CDH4: variants seen among roughly 807,000 people sequenced by gnomAD.
The protein encoded by CDH4 is cadherin-4.
Under a neutral mutation model 86.0 loss-of-function variants are expected in CDH4, and 33 were observed. The observed-to-expected ratio is 0.38, with a 90% CI of 0.29 to 0.51. The LOEUF (loss-of-function observed/expected upper bound fraction) is 0.51, where lower values mean the gene tolerates loss of function less well. CDH4 is among the 20% of genes least tolerant of loss of function. The pLI, the probability that CDH4 is intolerant of heterozygous loss-of-function variation, is 0.86. For synonymous variants in CDH4, 555 were observed against 549.4 expected, an observed-to-expected ratio of 1.01 and a Z score of -0.14; for missense variants, 1,114 against 1,307.4, an observed-to-expected ratio of 0.85 and a Z score of 2.28.
At chr20:61,460,881 T>C (rs975632164) in intron 2 of CDH4, among the ~76,000 whole-genome samples, 10 of 152,170 alleles carry the variant, frequency 6.6e-5, no homozygotes, top group African/African-American at 2.4e-4. Flanking sequence ...GTGAATGATA[T>C]TACTGTTATT....
chr20:61,609,586 A>T (rs2086669614), intron 2 of CDH4, among the ~76,000 whole-genome samples: 1 of 152,334 alleles, frequency 6.6e-6, no homozygotes, highest in Non-Finnish European at 1.5e-5. Context: ...AGCACACGAC[A>T]CGCAGCAAGT....
At chr20:61,258,041 G>A (rs572428905) in intron 2 of CDH4, among the ~76,000 whole-genome samples, 9 of 152,316 alleles carry the variant, frequency 5.9e-5, no homozygotes, top group Non-Finnish European at 2.9e-5. Flanking sequence ...TATAGAAAGA[G>A]GAGCTTGGCT....
intron 2 of CDH4, among the ~76,000 whole-genome samples, chr20:61,363,452 C>A (rs1182330695): frequency 6.6e-6 from 1 of 150,712 alleles, no homozygotes; most frequent in Non-Finnish European, 1.5e-5. Flanking sequence ...CACAAACACA[C>A]ACACACACCT....
At chr20:61,825,150 G>T (rs901052834) in intron 4 of CDH4, among the ~76,000 whole-genome samples, 1 of 151,956 alleles carries the variant, frequency 6.6e-6, no homozygotes, top group African/African-American at 2.4e-5. Context: ...GCTCATGTCT[G>T]TAATCCCAGC....
chr20:61,382,502 G>C (rs1490482912), intron 2 of CDH4, among the ~76,000 whole-genome samples: 1 of 152,256 alleles, frequency 6.6e-6, no homozygotes, highest in Admixed American at 6.5e-5. Flanking sequence ...AAAAGGCAGA[G>C]TAAGTGACAC....
intron 2 of CDH4, among the ~76,000 whole-genome samples, chr20:61,581,867 C>T (rs2086431532): frequency 6.6e-6 from 1 of 152,190 alleles, no homozygotes; most frequent in South Asian, 2.1e-4. Context: ...GGGAATGTGG[C>T]AGCTCAGCCC....
chr20:61,605,202 C>G (rs1286986605), intron 2 of CDH4, among the ~76,000 whole-genome samples: 1 of 152,158 alleles, frequency 6.6e-6, no homozygotes, highest in Non-Finnish European at 1.5e-5. Context: ...AGGTATCTGC[C>G]ACTGAGGAAA....
In CDH4 at chr20:61,841,084, G is replaced by A. The variant is rs564489854; in HGVS notation, c.577-3584G>A. Among the ~76,000 whole-genome samples the A allele has an allele frequency of 3.3e-5, 5 of 152,344 alleles. No individual in the cohort carries two copies. The South Asian group carries it at 8.3e-4, about 25-fold the overall frequency. On this transcript the variant is annotated intron_variant, in intron 4 of 15. Coordinates refer to ENST00000614565, the MANE Select transcript of CDH4 (RefSeq NM_001794.5). Reference sequence around the variant, plus strand: ...GAATCTACAACCCATCCTTCCGGCTGCTGCAGACCCCGTCCCTGGCGCCCA... The same window carrying A: ...GAATCTACAACCCATCCTTCCGGCTACTGCAGACCCCGTCCCTGGCGCCCA...
intron 2 of CDH4, among the ~76,000 whole-genome samples, chr20:61,312,443 G>T (rs2084451765): frequency 1.3e-5 from 2 of 152,102 alleles, no homozygotes; most frequent in South Asian, 4.1e-4. Flanking sequence ...CGCCCATTCT[G>T]CTTGGTGATC....
chr20:61,893,223 ATGGGTGACCACAGGGATGG>A, intron 7 of CDH4, among the ~76,000 whole-genome samples: 1 of 7,916 alleles, frequency 1.3e-4, no homozygotes. Context: ...GGATAGATGG[ATGGGTGACCACAGGGATGG>A]TGGATGGGTG....
At chr20:61,671,213 C>T (rs985185634) in intron 2 of CDH4, among the ~76,000 whole-genome samples, 3 of 151,730 alleles carry the variant, frequency 2.0e-5, no homozygotes, top group African/African-American at 7.3e-5. Context: ...ATAAGTGGAC[C>T]AGGTGCAGTG....
intron 4 of CDH4, 136 bp downstream of exon 4, chr20:61,773,318 A>G (rs941468988): frequency 7.0e-6 from 6 of 858,972 alleles, no homozygotes; most frequent in Non-Finnish European, 1.0e-5. Context: ...CTGTAATGAG[A>G]TAAGCCTTAC....
chr20:61,753,065 T>C (rs970677168), intron 3 of CDH4, among the ~76,000 whole-genome samples: 1 of 152,124 alleles, frequency 6.6e-6, no homozygotes, highest in Non-Finnish European at 1.5e-5. Context: ...TTAGAGAAGG[T>C]GGGAGTTCTG....
At chr20:61,578,112 C>T (rs1297366846) in intron 2 of CDH4, among the ~76,000 whole-genome samples, 1 of 152,180 alleles carries the variant, frequency 6.6e-6, no homozygotes, top group African/African-American at 2.4e-5. Flanking sequence ...GTGTCATTCC[C>T]CATATGTCCT....
intron 2 of CDH4, among the ~76,000 whole-genome samples, chr20:61,524,501 T>TG (rs1177810484): frequency 6.6e-6 from 1 of 152,000 alleles, no homozygotes; most frequent in African/African-American, 2.4e-5. Context: ...TTTTTTTTTT[T>TG]TAAGACAGAG....
chr20:61,536,895 G>A (rs1051214728), intron 2 of CDH4, among the ~76,000 whole-genome samples: 7 of 152,190 alleles, frequency 4.6e-5, no homozygotes, highest in Admixed American at 3.9e-4. Context: ...CTCCCCTCCA[G>A]AGAAGAGGCC....
chr20:61,339,357 C>A (rs2084637188), intron 2 of CDH4, among the ~76,000 whole-genome samples: 1 of 149,932 alleles, frequency 6.7e-6, no homozygotes, highest in African/African-American at 2.4e-5. Flanking sequence ...GATACTTCGA[C>A]TAGAATGTGT....
At chr20:61,273,278 G>A (rs2084196021) in intron 2 of CDH4, among the ~76,000 whole-genome samples, 1 of 141,042 alleles carries the variant, frequency 7.1e-6, no homozygotes, top group African/African-American at 2.7e-5. Flanking sequence ...TGCAGTTTGG[G>A]GGAGTATTGG....
intron 2 of CDH4, among the ~76,000 whole-genome samples, chr20:61,335,359 G>A (rs1568802952): frequency 6.6e-6 from 1 of 152,200 alleles, no homozygotes; most frequent in Non-Finnish European, 1.5e-5. Flanking sequence ...TACAGGCAAA[G>A]GGATGTGACA....
Sources: allele counts gnomAD v4.1 joint callset (sites outside exome capture counted in the v4.1 genomes callset), GRCh38; gene constraint gnomAD v4.1.1; transcripts MANE v1.5; gene names NCBI Gene and HGNC (gene_info 2026-07-23, HGNC 2026-07-21).